DGKB: variants seen among roughly 807,000 people sequenced by gnomAD.
DGKB encodes the protein 90 kDa diacylglycerol kinase.
A neutral mutation model predicts 114.3 loss-of-function variants in DGKB; 67 were observed. The observed-to-expected ratio is 0.59, with a 90% confidence interval of 0.48 to 0.72. The LOEUF is 0.72. Ranked by LOEUF, DGKB falls within the 30% of genes least tolerant of loss-of-function variation. DGKB has a pLI of 0.00. For missense variants in DGKB, 907 were observed against 975.2 expected (o/e 0.93, Z 0.93); for synonymous variants, 398 against 323.1 (o/e 1.23, Z -2.49).
chr7:14,657,931 C>A (rs1214937338), intron 13 of DGKB, among the ~76,000 whole-genome samples: 1 of 151,914 alleles, frequency 6.6e-6, no homozygotes, highest in Non-Finnish European at 1.5e-5. Flanking sequence ...GAAAGAGACA[C>A]ACACCATACT....
At chr7:14,320,428 A>T (rs895139430) in intron 23 of DGKB, among the ~76,000 whole-genome samples, 1 of 152,036 alleles carries the variant, frequency 6.6e-6, no homozygotes, top group African/African-American at 2.4e-5. Flanking sequence ...TCTGCTGCCA[A>T]TGCCATAGCC....
intron 18 of DGKB, among the ~76,000 whole-genome samples, chr7:14,581,214 T>C (rs1351381723): frequency 6.6e-6 from 1 of 152,160 alleles, no homozygotes; most frequent in Non-Finnish European, 1.5e-5. Context: ...TTTAAATATC[T>C]TAACTCAGCT....
chr7:14,552,950 A>G (rs1354660114), intron 20 of DGKB, among the ~76,000 whole-genome samples: 1 of 152,240 alleles, frequency 6.6e-6, no homozygotes, highest in Non-Finnish European at 1.5e-5. Flanking sequence ...AAGTCAAATT[A>G]AAGAGCCAGT....
rs34694067 is a variant in DGKB at position 14,487,770 on chromosome 7, C to CT, written c.1771-9546dup. 6.1e-3 allele frequency among the ~76,000 whole-genome samples: 860 copies of CT among 141,518 alleles called. 3 individuals are homozygous for CT. Among genetic ancestry groups the CT allele is most frequent in the Non-Finnish European group, 8.6e-3 (556 of 64,476 alleles). 92.8% of individuals were successfully genotyped at this position (141,518 alleles called of 152,430 possible). ...GGCATTAGCTATCATGCCTGACTAA[C>CT]TTTTTTTTTTTTTTCTTTAGAGATG... On this transcript the variant is annotated intron_variant, in intron 20 of 25. Coordinates refer to ENST00000402815, the MANE Select transcript of DGKB (RefSeq NM_001350709.2).
chr7:14,201,910 T>C (rs966587451), intron 23 of DGKB, among the ~76,000 whole-genome samples: 17 of 152,118 alleles, frequency 1.1e-4, no homozygotes, highest in African/African-American at 4.1e-4. Flanking sequence ...TTAGTAATAA[T>C]GTATTATATT....
chr7:14,731,818 C>T (rs1454372844), intron 5 of DGKB, among the ~76,000 whole-genome samples: 8 of 151,932 alleles, frequency 5.3e-5, no homozygotes, highest in South Asian at 4.1e-4. Context: ...CTGGCAGAGA[C>T]GAGAGATTAG....
intron 23 of DGKB, among the ~76,000 whole-genome samples, chr7:14,318,694 G>C (rs1488509548): frequency 6.6e-6 from 1 of 152,040 alleles, no homozygotes; most frequent in Non-Finnish European, 1.5e-5. Context: ...TGGTGGGACT[G>C]TAAACTAGTT....
Position 14,808,864 on chromosome 7 carries a change from C to G in DGKB, c.70+32330G>C, listed in dbSNP as rs534154329. Among the ~76,000 whole-genome samples, 431 of 152,146 alleles carry G rather than the reference C, an allele frequency of 2.8e-3. 2 individuals are homozygous for G. Among genetic ancestry groups the G allele is most frequent in the African/African-American group, 1.0e-2 (415 of 41,524 alleles). ...TAACTCAAGAAGTAGGTCTATTCCT[C>G]AACTGAAAATAGAGGAATGAAATAG... On this transcript the variant is annotated intron_variant, in intron 2 of 25. Coordinates refer to ENST00000402815, the MANE Select transcript of DGKB (RefSeq NM_001350709.2).
chr7:14,770,973 A>G (rs893482988), intron 2 of DGKB, among the ~76,000 whole-genome samples: 2 of 151,982 alleles, frequency 1.3e-5, no homozygotes, highest in Admixed American at 1.3e-4. Flanking sequence ...TCTTCACAGG[A>G]TATGTTTAGA....
At chr7:14,286,497 A>G (rs1239740394) in intron 23 of DGKB, among the ~76,000 whole-genome samples, 2 of 152,148 alleles carry the variant, frequency 1.3e-5, no homozygotes. Flanking sequence ...ATGGTTAACT[A>G]TCGCTATTTT....
At chr7:14,210,851 T>A (rs1178325516) in intron 23 of DGKB, among the ~76,000 whole-genome samples, 1 of 152,068 alleles carries the variant, frequency 6.6e-6, no homozygotes, top group Non-Finnish European at 1.5e-5. Context: ...GTGTGACACC[T>A]CTGTCTTTGA....
At chr7:14,504,278 T>C (rs909320095) in intron 20 of DGKB, among the ~76,000 whole-genome samples, 1 of 152,178 alleles carries the variant, frequency 6.6e-6, no homozygotes, top group Non-Finnish European at 1.5e-5. Flanking sequence ...AGAGGCTCTG[T>C]GTATGGAGTA....
intron 2 of DGKB, among the ~76,000 whole-genome samples, chr7:14,840,962 G>A (rs193145635): frequency 1.6e-4 from 25 of 152,018 alleles, no homozygotes; most frequent in Admixed American, 1.5e-3. Context: ...GCCTAATTGT[G>A]CACCTAACAT....
chr7:14,760,033 G>A (rs1214212243), intron 2 of DGKB, among the ~76,000 whole-genome samples: 1 of 152,060 alleles, frequency 6.6e-6, no homozygotes, highest in Non-Finnish European at 1.5e-5. Flanking sequence ...CTTTTTATAT[G>A]CCTATTGGTC....
At chr7:14,178,756 A>C (rs544510587) in intron 23 of DGKB, among the ~76,000 whole-genome samples, 2 of 152,266 alleles carry the variant, frequency 1.3e-5, no homozygotes, top group South Asian at 4.1e-4. Flanking sequence ...GGAATATTCT[A>C]CAAAATACTG....
Position 14,881,337 on chromosome 7 carries a change from T to C in DGKB, c.-188+21255A>G, listed in dbSNP as rs568294665. ...TATTTCCATAGTCCTGTCACCATTT[T>C]TGAAGCAATTTTAGTACAACCTTGA... On this transcript the variant is annotated intron_variant, in intron 1 of 25. Transcript: ENST00000402815. Among the ~76,000 whole-genome samples the C allele has an allele frequency of 4.6e-5, 7 of 152,282 alleles. No homozygotes were observed. In the East Asian group the frequency reaches 9.6e-4, roughly 21 times the overall value.
At chr7:14,404,235 A>G (rs1583677797) in intron 21 of DGKB, among the ~76,000 whole-genome samples, 1 of 151,488 alleles carries the variant, frequency 6.6e-6, no homozygotes, top group Non-Finnish European at 1.5e-5. Context: ...GAGATGAATC[A>G]TACATATGTC....
At chr7:14,808,958 C>A (rs868538127) in intron 2 of DGKB, among the ~76,000 whole-genome samples, 2 of 152,120 alleles carry the variant, frequency 1.3e-5, no homozygotes, top group South Asian at 4.1e-4. Flanking sequence ...AGCCATCCTC[C>A]ATTATACTTG....
chr7:14,582,355 C>T (rs969628406), intron 18 of DGKB, among the ~76,000 whole-genome samples: 3 of 152,096 alleles, frequency 2.0e-5, no homozygotes, highest in African/African-American at 7.2e-5. Context: ...GCATACTTAC[C>T]TTATATCCTC....
Sources: gnomAD v4.1 joint callset for allele counts (sites outside exome capture counted in the v4.1 genomes callset) on GRCh38, gnomAD v4.1.1 for gene constraint, MANE v1.5 for transcripts, NCBI Gene and HGNC (gene_info 2026-07-23, HGNC 2026-07-21) for gene names.